Variants in R3HCC1L observed in about 807,000 individuals in gnomAD.
The protein encoded by R3HCC1L is coiled-coil domain-containing protein R3HCC1L.
Under a neutral mutation model 59.9 loss-of-function variants are expected in R3HCC1L, and 51 were observed. The ratio of observed to expected loss-of-function variants is 0.85; its 90% CI spans 0.68 to 1.07. R3HCC1L has a LOEUF of 1.07. Among genes scored for constraint, R3HCC1L ranks in the 50% least tolerant of loss-of-function variants. R3HCC1L has a pLI of 0.00. For synonymous variants in R3HCC1L, 322 were observed against 315.2 expected, an observed-to-expected ratio of 1.02 and a Z score of -0.23; for missense variants, 965 against 933.0, an observed-to-expected ratio of 1.03 and a Z score of -0.45.
At chr10:98,211,682 G>A (rs926190326) in intron 5 of R3HCC1L, among the ~76,000 whole-genome samples, 13 of 152,112 alleles carry the variant, frequency 8.5e-5, no homozygotes, top group Non-Finnish European at 1.8e-4. Flanking sequence ...GTAGTACTCA[G>A]TAAATATTTA....
intron 4 of R3HCC1L, among the ~76,000 whole-genome samples, chr10:98,166,456 A>G (rs928124311): frequency 1.3e-5 from 2 of 152,190 alleles, no homozygotes; most frequent in African/African-American, 2.4e-5. Context: ...GCGTCTTCAC[A>G]TGTTGAGTCT....
At chr10:98,228,247 G>A (rs1012980479) in intron 5 of R3HCC1L, among the ~76,000 whole-genome samples, 18 of 152,242 alleles carry the variant, frequency 1.2e-4, no homozygotes, top group African/African-American at 4.3e-4. Flanking sequence ...AGCACCTGCC[G>A]TTTCCTGACT....
chr10:98,152,681 G>C (rs550989878), intron 1 of R3HCC1L, among the ~76,000 whole-genome samples: 70 of 72,056 alleles, frequency 9.7e-4, no homozygotes, highest in East Asian at 3.6e-3. Flanking sequence ...GCCCGGCCGC[G>C]ACCCCGTCTG....
chr10:98,223,570 G>A (rs555886991), intron 5 of R3HCC1L, among the ~76,000 whole-genome samples: 2 of 151,806 alleles, frequency 1.3e-5, no homozygotes, highest in South Asian at 2.1e-4. Context: ...TCTTTTGGTT[G>A]GGTCAGGCAC....
intron 4 of R3HCC1L, among the ~76,000 whole-genome samples, chr10:98,184,252 A>G (rs1253960383): frequency 6.6e-6 from 1 of 152,060 alleles, no homozygotes; most frequent in Non-Finnish European, 1.5e-5. Context: ...CAGAGAAGGT[A>G]TTTCTCCATG....
intron 4 of R3HCC1L, among the ~76,000 whole-genome samples, chr10:98,198,719 A>C (rs1356160759): frequency 6.6e-6 from 1 of 152,138 alleles, no homozygotes; most frequent in Non-Finnish European, 1.5e-5. Flanking sequence ...TATGCAGATA[A>C]GCTTATCTGT....
At chr10:98,232,374 G>C (rs1194008537) in intron 6 of R3HCC1L, among the ~76,000 whole-genome samples, 2 of 152,092 alleles carry the variant, frequency 1.3e-5, no homozygotes, top group African/African-American at 4.8e-5. Flanking sequence ...TAATTCCATG[G>C]TGAAAATATC....
intron 4 of R3HCC1L, among the ~76,000 whole-genome samples, chr10:98,189,894 C>T (rs1054658448): frequency 3.9e-5 from 6 of 152,100 alleles, no homozygotes; most frequent in African/African-American, 9.7e-5. Flanking sequence ...TTAAGTGAAG[C>T]GCCTGTGCAG....
intron 4 of R3HCC1L, among the ~76,000 whole-genome samples, chr10:98,182,619 G>A (rs1849756372): frequency 6.6e-6 from 1 of 152,162 alleles, no homozygotes; most frequent in African/African-American, 2.4e-5. Flanking sequence ...GCTGACTTTT[G>A]TTCAGCTATG....
Position 98,237,620 on chromosome 10 carries a change from A to G in R3HCC1L, c.2269+1456A>G, listed in dbSNP as rs116223744. Among the ~76,000 whole-genome samples, 1,029 of 152,266 alleles carry G rather than the reference A, an allele frequency of 6.8e-3. 17 individuals carry two copies. The highest frequency in any genetic ancestry group is 0.023 in the African/African-American group (945 of 41,548). On this transcript the variant is annotated intron_variant, in intron 9 of 9. Transcript: ENST00000298999. ...ATTCTGTTGACTAAGCGGGTACTCT[A>G]TTGCTTTTCTAAAGAAGGCCTTTAT...
At position 98,209,489 on chromosome 10, in the gene R3HCC1L, A is replaced by G. The variant is rs765663843; in HGVS notation, c.1375A>G (p.Thr459Ala). ...ESISSHFTES[T>A]GKLIESLSDC... ...TATTTCATCTCATTTTACAGAGTCA[A>G]CAGGAAAGTTGATAGAGAGCTTGTC... The change falls in exon 5 of 10, where the codon ACA (threonine) becomes GCA (alanine). Residue 459 changes from threonine to alanine, a missense_variant. Physicochemically the swap from Thr to Ala is moderately conservative, Grantham distance 58. Coordinates refer to ENST00000298999, the MANE Select transcript of R3HCC1L (RefSeq NM_001351015.2). The G allele has an allele frequency of 8.7e-6, 14 of 1,613,712 alleles. No homozygotes were observed. Among genetic ancestry groups the G allele is most frequent in the Middle Eastern group, 1.6e-4 (1 of 6,082 alleles).
intron 4 of R3HCC1L, among the ~76,000 whole-genome samples, chr10:98,199,490 T>C (rs1487314616): frequency 1.3e-5 from 2 of 152,068 alleles, no homozygotes; most frequent in African/African-American, 2.4e-5. Flanking sequence ...TTGTAACAAA[T>C]TTAAACAATA....
At chr10:98,229,894 C>A (rs1193801388) in intron 5 of R3HCC1L, among the ~76,000 whole-genome samples, 1 of 152,052 alleles carries the variant, frequency 6.6e-6, no homozygotes, top group Non-Finnish European at 1.5e-5. Context: ...TATTGATTTG[C>A]GTATGTTGAA....
intron 1 of R3HCC1L, among the ~76,000 whole-genome samples, chr10:98,151,678 A>G (rs1437959218): frequency 5.3e-5 from 8 of 152,210 alleles, no homozygotes; most frequent in Admixed American, 4.6e-4. Flanking sequence ...AGAGAAGAGC[A>G]GAAAAGACTA....
In R3HCC1L at chr10:98,233,921, T is replaced by C. The variant is rs180723693; in HGVS notation, c.1962-525T>C. Among the ~76,000 whole-genome samples, 668 of 152,210 alleles carry C rather than the reference T, an allele frequency of 4.4e-3. 2 individuals are homozygous for C. The highest frequency in any genetic ancestry group is 8.0e-3 in the Non-Finnish European group (541 of 68,008). ...GCCTCTCTGATTATAGTTGCCCCCT[T>C]TTTTCCCCGTTACTTGACTTTTTTA... On this transcript the variant is annotated intron_variant, in intron 6 of 9. Coordinates refer to ENST00000298999, the MANE Select transcript of R3HCC1L (RefSeq NM_001351015.2).
chr10:98,152,370 G>A (rs1481658672), intron 1 of R3HCC1L, among the ~76,000 whole-genome samples: 1 of 151,592 alleles, frequency 6.6e-6, no homozygotes, highest in African/African-American at 2.4e-5. Context: ...CTGCCCGGCC[G>A]CCACCCCGTC....
intron 5 of R3HCC1L, among the ~76,000 whole-genome samples, chr10:98,213,560 T>C (rs1214283984): frequency 6.6e-6 from 1 of 152,188 alleles, no homozygotes; most frequent in Non-Finnish European, 1.5e-5. Context: ...CCCCCAATGC[T>C]AGACTGGTTG....
At chr10:98,240,344 T>C (rs946241909) in intron 9 of R3HCC1L, among the ~76,000 whole-genome samples, 1 of 152,182 alleles carries the variant, frequency 6.6e-6, no homozygotes, top group African/African-American at 2.4e-5. Context: ...AACTCAGGAA[T>C]GTATATAAAA....
At chr10:98,213,289 T>C (rs1263097010) in intron 5 of R3HCC1L, among the ~76,000 whole-genome samples, 1 of 152,210 alleles carries the variant, frequency 6.6e-6, no homozygotes, top group Non-Finnish European at 1.5e-5. Flanking sequence ...AATAGCTAGA[T>C]ATGTGTTGTT....
Sources: allele counts gnomAD v4.1 joint callset (sites outside exome capture counted in the v4.1 genomes callset), GRCh38; gene constraint gnomAD v4.1.1; transcripts MANE v1.5; gene names NCBI Gene and HGNC (gene_info 2026-07-23, HGNC 2026-07-21).